ZNF410: variants seen among roughly 807,000 people sequenced by gnomAD.
ZNF410 encodes zinc finger protein 410.
Under a neutral mutation model 54.8 loss-of-function variants are expected in ZNF410, and 18 were observed. The observed-to-expected ratio is 0.33, with a 90% CI of 0.23 to 0.49. The LOEUF is 0.49. ZNF410 is among the 20% of genes least tolerant of loss of function. The pLI, the probability that ZNF410 is intolerant of heterozygous loss-of-function variation, is 0.99. For missense variants in ZNF410, 405 were observed against 569.6 expected, an observed-to-expected ratio of 0.71 and a Z score of 2.94; for synonymous variants, 191 against 207.3, an observed-to-expected ratio of 0.92 and a Z score of 0.68.
chr14:73,901,149 TC>T lies in ZNF410; in HGVS notation c.581-2810del, dbSNP rs143931403. Among the ~76,000 whole-genome samples, 16 of 152,346 alleles carry T rather than the reference TC, an allele frequency of 1.1e-4. No individual in the cohort carries two copies. The East Asian group carries it at 3.1e-3, about 29-fold the overall frequency. On this transcript the variant is annotated intron_variant, in intron 5 of 11. Coordinates refer to ENST00000555044, the MANE Select transcript of ZNF410 (RefSeq NM_021188.3). ...TTTGCATAAGATGTTGTATATCAGA[TC>T]AGCAAAGGCCTTTGGGCCAAATCCC...
chr14:73,892,465 AAT>A (rs1054322981), intron 2 of ZNF410, among the ~76,000 whole-genome samples: 193 of 151,826 alleles, frequency 1.3e-3, no homozygotes, highest in Non-Finnish European at 2.0e-3. Context: ...TATAAATAAA[AAT>A]ATATGTTTAT....
At chr14:73,897,594 G>C (rs1310143064) in intron 4 of ZNF410, among the ~76,000 whole-genome samples, 3 of 152,156 alleles carry the variant, frequency 2.0e-5, no homozygotes, top group African/African-American at 7.2e-5. Context: ...CAAGCCTGTA[G>C]ACTAAAGGTA....
At chr14:73,900,984 A>G (rs1480927007) in intron 5 of ZNF410, among the ~76,000 whole-genome samples, 1 of 152,246 alleles carries the variant, frequency 6.6e-6, no homozygotes, top group South Asian at 2.1e-4. Flanking sequence ...ATTTTATTCA[A>G]TATTTTAATG....
chr14:73,892,248 TA>T, intron 2 of ZNF410, 40 bp downstream of exon 2: 1 of 1,606,904 alleles, frequency 6.2e-7, no homozygotes, highest in South Asian at 1.1e-5. Context: ...TTTGGTGGGC[TA>T]TATTTCAAAG....
intron 1 of ZNF410, among the ~76,000 whole-genome samples, chr14:73,888,901 A>G (rs540218289): frequency 6.6e-6 from 1 of 152,324 alleles, no homozygotes; most frequent in East Asian, 1.9e-4. Context: ...ACAAATCATA[A>G]ACTTGGACAC....
At chr14:73,927,441 G>A (rs1247021518) in intron 11 of ZNF410, among the ~76,000 whole-genome samples, 2 of 152,118 alleles carry the variant, frequency 1.3e-5, no homozygotes, top group African/African-American at 2.4e-5. Context: ...CCCTGAAATC[G>A]TCATTTCAGG....
intron 1 of ZNF410, among the ~76,000 whole-genome samples, chr14:73,889,638 G>C (rs994444929): frequency 1.3e-5 from 2 of 151,878 alleles, no homozygotes; most frequent in Non-Finnish European, 2.9e-5. Context: ...ACTGAGCCTT[G>C]GTTCCTTCCT....
intron 8 of ZNF410, among the ~76,000 whole-genome samples, chr14:73,915,261 C>CA (rs143550446): frequency 0.64 from 90,617 of 140,924 alleles, 30,583 homozygotes; most frequent in Non-Finnish European, 0.76. Context: ...GAATCTGTCT[C>CA]AAAAAAAAAA....
chr14:73,909,469 T>C (rs755911107), intron 8 of ZNF410, 39 bp downstream of exon 8: 5 of 1,557,968 alleles, frequency 3.2e-6, no homozygotes, highest in Non-Finnish European at 4.4e-6. Flanking sequence ...TTAGGAAAAG[T>C]AGACAAAAGA....
intron 5 of ZNF410, 184 bp from the exon 6 acceptor site, chr14:73,903,776 A>G (rs1421621248): frequency 2.6e-6 from 2 of 759,166 alleles, no homozygotes; most frequent in Non-Finnish European, 4.1e-6. Context: ...GCTTGGGATT[A>G]TAGGTGTGAG....
At chr14:73,891,553 T>A (rs556935059) in intron 1 of ZNF410, among the ~76,000 whole-genome samples, 1 of 152,032 alleles carries the variant, frequency 6.6e-6, no homozygotes, top group Non-Finnish European at 1.5e-5. Context: ...GGGGTTTCAC[T>A]ATGTTGGCCA....
rs199809644 is a variant in ZNF410, at chr14:73,922,206, G to C, written c.1270G>C (p.Glu424Gln). The C allele has an allele frequency of 6.2e-7, 1 of 1,612,622 alleles. No homozygotes were observed. Among genetic ancestry groups the C allele is most frequent in the Non-Finnish European group, 8.5e-7 (1 of 1,179,364 alleles). The change falls in exon 10 of 12, where the codon GAG becomes CAG. Residue 424 changes from glutamate to glutamine, a missense_variant and splice_region_variant. Coordinates refer to ENST00000555044, the MANE Select transcript of ZNF410 (RefSeq NM_021188.3). ...CAATTCTATCCTGGGAGTTGATGATGGTAAGACTTCCAACTCTCCTTTATT... is the reference window on the plus strand; with the variant it reads ...CAATTCTATCCTGGGAGTTGATGATCGTAAGACTTCCAACTCTCCTTTATT... ...NTNSILGVDD[E>Q]VLAEGSPRSL...
At chr14:73,893,678 T>A (rs1413947849) in intron 2 of ZNF410, 119 bp from the exon 3 acceptor site, 4 of 1,155,756 alleles carry the variant, frequency 3.5e-6, no homozygotes, top group Non-Finnish European at 4.7e-6. Context: ...GTTGTTTAGT[T>A]TTTGTTTGAA....
intron 3 of ZNF410, among the ~76,000 whole-genome samples, chr14:73,895,932 GCT>G (rs1404196418): frequency 6.6e-6 from 1 of 152,222 alleles, no homozygotes; most frequent in African/African-American, 2.4e-5. Context: ...AGGAGAGGGA[GCT>G]CTCTCCAGGA....
At chr14:73,905,239 C>G in intron 7 of ZNF410, 156 bp downstream of exon 7, 6 of 713,738 alleles carry the variant, frequency 8.4e-6, no homozygotes. Context: ...ACTTGTTGCA[C>G]TTATAATAAC....
intron 8 of ZNF410, chr14:73,914,875 G>C (rs1475893902): frequency 6.6e-6 from 1 of 150,582 alleles, no homozygotes; most frequent in Non-Finnish European, 1.5e-5. Flanking sequence ...TAATCCACCT[G>C]CCTTGGCCTC....
chr14:73,907,115 A>AAGGAC (rs1235285052), intron 7 of ZNF410, among the ~76,000 whole-genome samples: 2 of 152,188 alleles, frequency 1.3e-5, no homozygotes, highest in Non-Finnish European at 2.9e-5. Context: ...CTTATTGATA[A>AAGGAC]AGGAACAGAA....
At chr14:73,922,515 G>A (rs11620776) in intron 10 of ZNF410, 92,239 of 181,366 alleles carry the variant, frequency 0.51, 23,618 homozygotes, top group South Asian at 0.6. Flanking sequence ...TTAACTTTTA[G>A]AACATTTAAA....
At chr14:73,890,989 CAA>C (rs1343035215) in intron 1 of ZNF410, among the ~76,000 whole-genome samples, 1 of 151,930 alleles carries the variant, frequency 6.6e-6, no homozygotes, top group Admixed American at 6.6e-5. Context: ...GCCTGGGCAA[CAA>C]GAGCAAAACT....
Sources: gnomAD v4.1 joint callset for allele counts (sites outside exome capture counted in the v4.1 genomes callset) on GRCh38, gnomAD v4.1.1 for gene constraint, MANE v1.5 for transcripts, NCBI Gene and HGNC (gene_info 2026-07-23, HGNC 2026-07-21) for gene names.